The following ADGRA3 variants were observed in gnomAD, a reference collection of about 807,000 sequenced individuals.
The protein encoded by ADGRA3 is G-protein coupled receptor 125.
A neutral mutation model predicts 119.8 loss-of-function variants in ADGRA3; 56 were observed. The ratio of observed to expected loss-of-function variants is 0.47; its 90% CI spans 0.38 to 0.58. The LOEUF (loss-of-function observed/expected upper bound fraction) is 0.58, where lower values mean the gene tolerates loss of function less well. ADGRA3 is among the 20% of genes least tolerant of loss of function. The pLI, the probability that ADGRA3 is intolerant of heterozygous loss-of-function variation, is 0.00. For missense variants in ADGRA3, 1,516 were observed against 1,649.0 expected, an observed-to-expected ratio of 0.92 and a Z score of 1.40; for synonymous variants, 607 against 623.8, an observed-to-expected ratio of 0.97 and a Z score of 0.40.
chr4:22,388,020 G>A lies in ADGRA3; in HGVS notation c.3651C>T (p.His1217=), dbSNP rs1560290436. The change falls in exon 19 of 19, where the codon CAC becomes CAT. Residue 1217 remains histidine (H), a synonymous_variant. Transcript: ENST00000334304. ...PKSRLGNNEG[H]SRSRRAYLAY... Reference sequence around the variant, plus strand: ...CTAAATAAGCTCTTCGGCTCCTCGAGTGTCCTTCGTTATTGCCCAGCCGGC... The same window carrying A: ...CTAAATAAGCTCTTCGGCTCCTCGAATGTCCTTCGTTATTGCCCAGCCGGC... The A allele has an allele frequency of 8.7e-6, 14 of 1,614,122 alleles. No individual in the cohort carries two copies. Among genetic ancestry groups the A allele is most frequent in the African/African-American group, 1.3e-5 (1 of 75,030 alleles).
rs145174089 is a variant in ADGRA3 at position 22,442,819 on chromosome 4, G to A, written c.751C>T (p.Arg251Cys). 49 of 1,613,176 alleles carry A rather than the reference G, an allele frequency of 3.0e-5. No individual in the cohort carries two copies. In the African/African-American group the frequency reaches 4.4e-4, roughly 15 times the overall value. Residue 251 changes from arginine (R) to cysteine (C), a missense_variant, in exon 7 of 19, where the codon CGC becomes TGC. By Grantham distance (180) the Arg-to-Cys change is radical (BLOSUM62 -3). Transcript: ENST00000334304. ...CTGTCTCCTTCAAACACAACTTGGCGATGAGATGGAGTCATGTAGAAAGAC... is the reference window on the plus strand; with the variant it reads ...CTGTCTCCTTCAAACACAACTTGGCAATGAGATGGAGTCATGTAGAAAGAC... ...LPSFYMTPSH[R>C]QVVFEGDSLP...
At chr4:22,461,649 T>C (rs1343205351) in intron 3 of ADGRA3, 88 bp downstream of exon 3, 1 of 933,050 alleles carries the variant, frequency 1.1e-6, no homozygotes, top group Non-Finnish European at 1.7e-6. Flanking sequence ...AATTATTAAA[T>C]GTCCATTTTT....
At chr4:22,513,718 G>A (rs918630038) in intron 1 of ADGRA3, among the ~76,000 whole-genome samples, 2 of 151,194 alleles carry the variant, frequency 1.3e-5, no homozygotes, top group African/African-American at 4.9e-5. Context: ...CGTCAAGTTG[G>A]CCAGGCTGGT....
chr4:22,506,288 C>G (rs184413231), intron 1 of ADGRA3, among the ~76,000 whole-genome samples: 1 of 152,268 alleles, frequency 6.6e-6, no homozygotes, highest in African/African-American at 2.4e-5. Flanking sequence ...CACAGTGGCT[C>G]ATGCCTGTAA....
chr4:22,493,008 C>G (rs1255312544), intron 1 of ADGRA3, among the ~76,000 whole-genome samples: 1 of 4,712 alleles, frequency 2.1e-4, no homozygotes, highest in Non-Finnish European at 0.017. Context: ...CTCTGTCACC[C>G]AGGTGGAGTG....
At chr4:22,390,618 G>C (rs1714098772) in intron 17 of ADGRA3, among the ~76,000 whole-genome samples, 1 of 151,576 alleles carries the variant, frequency 6.6e-6, no homozygotes, top group Non-Finnish European at 1.5e-5. Context: ...TGTCCTCTCT[G>C]GGGTCAGAAG....
rs1471881539 is a variant in ADGRA3 at position 22,407,305 on chromosome 4, T to C, written c.2233-4506A>G. On this transcript the variant is annotated intron_variant, in intron 14 of 18. Coordinates refer to ENST00000334304, the MANE Select transcript of ADGRA3 (RefSeq NM_145290.4). ...AAGAATATAAAAATATTTACGGCAATTGAGAATTTTAGAATACCAGGATAG... is the reference window on the plus strand; with the variant it reads ...AAGAATATAAAAATATTTACGGCAACTGAGAATTTTAGAATACCAGGATAG... Among the ~76,000 whole-genome samples, 8 of 152,052 alleles carry C rather than the reference T, an allele frequency of 5.3e-5. No homozygotes were observed. In the South Asian group the frequency reaches 6.2e-4, roughly 12 times the overall value.
chr4:22,436,358 A>AT, intron 9 of ADGRA3, 82 bp downstream of exon 9: 2 of 1,094,066 alleles, frequency 1.8e-6, no homozygotes, highest in Non-Finnish European at 2.6e-6. Context: ...CTAGTATTAA[A>AT]AAAAAAAAAA....
At chr4:22,422,922 C>A (rs1560309014) in intron 11 of ADGRA3, among the ~76,000 whole-genome samples, 1 of 152,186 alleles carries the variant, frequency 6.6e-6, no homozygotes, top group South Asian at 2.1e-4. Context: ...TAGCCAGGTG[C>A]GGTGGCTCAC....
intron 17 of ADGRA3, among the ~76,000 whole-genome samples, chr4:22,391,936 C>A (rs1714150575): frequency 6.6e-6 from 1 of 152,122 alleles, no homozygotes; most frequent in Non-Finnish European, 1.5e-5. Context: ...CTCCACTATG[C>A]TTCTCACACA....
chr4:22,396,333 C>T (rs1410738916), intron 16 of ADGRA3, among the ~76,000 whole-genome samples: 2 of 152,152 alleles, frequency 1.3e-5, no homozygotes, highest in Admixed American at 1.3e-4. Context: ...AACTACATTA[C>T]AACCCATTTA....
chr4:22,416,713 T>C (rs1715443789), intron 12 of ADGRA3, among the ~76,000 whole-genome samples: 1 of 152,200 alleles, frequency 6.6e-6, no homozygotes, highest in South Asian at 2.1e-4. Context: ...TTTTGACTTC[T>C]ACCATTCAGT....
At chr4:22,502,268 G>A (rs746389733) in intron 1 of ADGRA3, among the ~76,000 whole-genome samples, 11 of 152,162 alleles carry the variant, frequency 7.2e-5, no homozygotes, top group Non-Finnish European at 1.5e-4. Context: ...TGTCCATCAA[G>A]CTAAAGGACC....
chr4:22,495,727 T>G (rs983896338), intron 1 of ADGRA3, among the ~76,000 whole-genome samples: 18 of 151,930 alleles, frequency 1.2e-4, no homozygotes, highest in African/African-American at 4.4e-4. Context: ...GCTAACACGG[T>G]GAAACCCCGT....
chr4:22,483,842 A>C (rs906425558), intron 1 of ADGRA3, among the ~76,000 whole-genome samples: 1 of 152,206 alleles, frequency 6.6e-6, no homozygotes, highest in South Asian at 2.1e-4. Context: ...AGAAATATCA[A>C]ATCTCTCAGA....
At chr4:22,420,717 G>A (rs749909421) in intron 12 of ADGRA3, 169 bp downstream of exon 12, 15 of 648,322 alleles carry the variant, frequency 2.3e-5, no homozygotes, top group African/African-American at 3.6e-5. Context: ...CTTGAAAGTC[G>A]TAATGCAGTT....
intron 1 of ADGRA3, among the ~76,000 whole-genome samples, chr4:22,491,710 ACT>A (rs1221998919): frequency 6.6e-6 from 1 of 151,812 alleles, no homozygotes; most frequent in Non-Finnish European, 1.5e-5. Flanking sequence ...CCATCCACTG[ACT>A]CTCCAACCTC....
chr4:22,392,973 T>C, intron 16 of ADGRA3: 1 of 279,612 alleles, frequency 3.6e-6, no homozygotes, highest in Non-Finnish European at 6.6e-6. Flanking sequence ...CTCCCAGACA[T>C]TAAACCAAAA....
chr4:22,509,240 T>C lies in ADGRA3; in HGVS notation c.257+6288A>G, dbSNP rs142792455. 9.1e-3 allele frequency among the ~76,000 whole-genome samples: 1,380 copies of C among 151,800 alleles called. 13 individuals carry two copies. Among genetic ancestry groups the C allele is most frequent in the African/African-American group, 0.032 (1,310 of 41,386 alleles). On this transcript the variant is annotated intron_variant, in intron 1 of 18. Coordinates refer to ENST00000334304, the MANE Select transcript of ADGRA3 (RefSeq NM_145290.4). ...GTTCACAGCCGGGAGTGGTGGCTCA[T>C]GCCTGTAGTCCCAGCACTTTGGGAG...
Sources: gnomAD v4.1 joint callset for allele counts (sites outside exome capture counted in the v4.1 genomes callset) on GRCh38, gnomAD v4.1.1 for gene constraint, MANE v1.5 for transcripts, NCBI Gene and HGNC (gene_info 2026-07-23, HGNC 2026-07-21) for gene names.